KSR2: variants seen among roughly 807,000 people sequenced by gnomAD.
KSR2 encodes the protein kinase suppressor of ras 2.
In KSR2, 25 loss-of-function variants were observed where a neutral mutation model predicts 107.8. The ratio of observed to expected loss-of-function variants is 0.23; its 90% confidence interval spans 0.17 to 0.32. The LOEUF (loss-of-function observed/expected upper bound fraction) is 0.32, where lower values mean the gene tolerates loss of function less well. KSR2 is among the 10% of genes least tolerant of loss of function. The pLI, the probability that KSR2 is intolerant of heterozygous loss-of-function variation, is 1.00. For synonymous variants in KSR2, 480 were observed against 507.0 expected (o/e 0.95, Z 0.71); for missense variants, 887 against 1,268.9 (o/e 0.70, Z 4.57).
chr12:117,961,675 G>A (rs1308578284), intron 1 of KSR2, among the ~76,000 whole-genome samples: 2 of 152,136 alleles, frequency 1.3e-5, no homozygotes, highest in African/African-American at 4.8e-5. Flanking sequence ...CCAGCTGAAT[G>A]TGGCCACGAG....
At chr12:117,859,736 C>T (rs779943594) in intron 2 of KSR2, among the ~76,000 whole-genome samples, 7 of 152,206 alleles carry the variant, frequency 4.6e-5, no homozygotes, top group Admixed American at 6.5e-5. Flanking sequence ...GGATCACAGG[C>T]ATGAGCCACT....
chr12:117,529,572 T>G (rs1875464221), intron 12 of KSR2, among the ~76,000 whole-genome samples: 1 of 152,172 alleles, frequency 6.6e-6, no homozygotes, highest in Non-Finnish European at 1.5e-5. Context: ...AGGGTCTGTT[T>G]CCTAAGGATG....
At chr12:117,613,091 G>T (rs996673827) in intron 5 of KSR2, among the ~76,000 whole-genome samples, 1 of 152,124 alleles carries the variant, frequency 6.6e-6, no homozygotes, top group Non-Finnish European at 1.5e-5. Flanking sequence ...ACAGATTAAG[G>T]CAAAACCATT....
chr12:117,621,798 A>G (rs1286880585), intron 5 of KSR2, among the ~76,000 whole-genome samples: 5 of 152,166 alleles, frequency 3.3e-5, no homozygotes, highest in African/African-American at 1.2e-4. Context: ...ATTTCAAAAT[A>G]AAACATATTT....
chr12:117,856,016 G>C (rs1301750465), intron 2 of KSR2, among the ~76,000 whole-genome samples: 3 of 152,116 alleles, frequency 2.0e-5, no homozygotes, highest in Non-Finnish European at 2.9e-5. Context: ...AGGTGTGCTG[G>C]TGGCTGGGTC....
chr12:117,751,701 C>T (rs2136827796), intron 4 of KSR2, among the ~76,000 whole-genome samples: 1 of 152,270 alleles, frequency 6.6e-6, no homozygotes, highest in Middle Eastern at 3.4e-3. Context: ...AGTTGCCACA[C>T]CTGCTTAATG....
chr12:117,519,769 AGT>A (rs908239954), intron 14 of KSR2, among the ~76,000 whole-genome samples: 17 of 150,328 alleles, frequency 1.1e-4, no homozygotes, highest in African/African-American at 3.7e-4. Context: ...AAGAGGAGCG[AGT>A]GTGTGTGTGT....
At chr12:117,532,974 C>A (rs1347627642) in intron 10 of KSR2, among the ~76,000 whole-genome samples, 1 of 152,132 alleles carries the variant, frequency 6.6e-6, no homozygotes, top group Non-Finnish European at 1.5e-5. Context: ...AGAAGCTGAT[C>A]CTCTAGGGTC....
chr12:117,715,980 C>T (rs1886963408), intron 4 of KSR2, among the ~76,000 whole-genome samples: 1 of 152,130 alleles, frequency 6.6e-6, no homozygotes, highest in Admixed American at 6.5e-5. Context: ...CCTCTATCCC[C>T]CCGACACCTC....
At chr12:117,523,101 TATC>T (rs1179061183) in intron 14 of KSR2, among the ~76,000 whole-genome samples, 1 of 152,112 alleles carries the variant, frequency 6.6e-6, no homozygotes. Context: ...CACCAGCGCT[TATC>T]ATTCAAAGCA....
chr12:117,813,883 G>A (rs1337483345), intron 3 of KSR2, among the ~76,000 whole-genome samples: 1 of 152,192 alleles, frequency 6.6e-6, no homozygotes, highest in Non-Finnish European at 1.5e-5. Flanking sequence ...AAGTGTCCAA[G>A]AAGAGATGAA....
chr12:117,726,973 C>A (rs999257921), intron 4 of KSR2, among the ~76,000 whole-genome samples: 1 of 152,032 alleles, frequency 6.6e-6, no homozygotes, highest in Admixed American at 6.6e-5. Context: ...AGTCTTAACC[C>A]CCAGTAACTG....
chr12:117,562,163 G>A (rs1878171618), intron 7 of KSR2, among the ~76,000 whole-genome samples: 1 of 151,810 alleles, frequency 6.6e-6, no homozygotes, highest in Non-Finnish European at 1.5e-5. Context: ...CAGAACAAGT[G>A]TGGTGAGTTC....
At chr12:117,546,595 A>C (rs1473302934) in intron 9 of KSR2, among the ~76,000 whole-genome samples, 1 of 152,192 alleles carries the variant, frequency 6.6e-6, no homozygotes, top group African/African-American at 2.4e-5. Context: ...TTTCCAGGAC[A>C]CCGATGACAC....
chr12:117,755,649 C>T (rs1041514563), intron 4 of KSR2, among the ~76,000 whole-genome samples: 2 of 152,096 alleles, frequency 1.3e-5, no homozygotes, highest in African/African-American at 4.8e-5. Flanking sequence ...GATTAATAAC[C>T]CAACAATAGC....
chr12:117,470,135 A>T (rs903518114), intron 18 of KSR2, among the ~76,000 whole-genome samples: 1 of 151,410 alleles, frequency 6.6e-6, no homozygotes, highest in Non-Finnish European at 1.5e-5. Context: ...CCCATCATGC[A>T]TGCATCTATA....
intron 5 of KSR2, among the ~76,000 whole-genome samples, chr12:117,583,822 G>C (rs184629407): frequency 6.6e-6 from 1 of 152,212 alleles, no homozygotes; most frequent in East Asian, 1.9e-4. Flanking sequence ...GCAAGTGCCT[G>C]ACCCTACACG....
intron 1 of KSR2, among the ~76,000 whole-genome samples, chr12:117,861,283 A>C (rs1344083930): frequency 6.6e-6 from 1 of 152,098 alleles, no homozygotes; most frequent in East Asian, 1.9e-4. Flanking sequence ...TACACTGATA[A>C]ATAAAAATAA....
At chr12:117,558,259 TG>T (rs1855054136) in intron 8 of KSR2, among the ~76,000 whole-genome samples, 1 of 151,602 alleles carries the variant, frequency 6.6e-6, no homozygotes, top group African/African-American at 2.4e-5. Context: ...AGGGGTTAAG[TG>T]GGGAGACAAA....
Sources: gnomAD v4.1 joint callset for allele counts (sites outside exome capture counted in the v4.1 genomes callset) on GRCh38, gnomAD v4.1.1 for gene constraint, MANE v1.5 for transcripts, NCBI Gene and HGNC (gene_info 2026-07-23, HGNC 2026-07-21) for gene names.